DCDC1: variants seen among roughly 807,000 people sequenced by gnomAD.
The protein encoded by DCDC1 is doublecortin domain-containing protein 1.
Under a neutral mutation model 178.3 loss-of-function variants are expected in DCDC1, and 200 were observed. The ratio of observed to expected loss-of-function variants is 1.12; its 90% CI spans 1.00 to 1.26. DCDC1 has a LOEUF of 1.26. Among genes scored for constraint, DCDC1 ranks in the 50% most tolerant of loss-of-function variants. The probability of loss-of-function intolerance (pLI) is 0.00; values close to 1 mark genes in which losing one functional copy is unlikely to be tolerated. For missense variants in DCDC1, 1,983 were observed against 1,749.2 expected (o/e 1.13, Z -2.38); for synonymous variants, 690 against 604.8 (o/e 1.14, Z -2.07).
chr11:31,259,699 T>C (rs947365178), intron 8 of DCDC1, among the ~76,000 whole-genome samples: 11 of 152,178 alleles, frequency 7.2e-5, no homozygotes, highest in African/African-American at 2.4e-5. Flanking sequence ...TCCCTCAAGA[T>C]ACTGTAAACT....
intron 17 of DCDC1, among the ~76,000 whole-genome samples, chr11:31,090,103 A>C (rs1363124782): frequency 6.6e-6 from 1 of 152,180 alleles, no homozygotes; most frequent in Non-Finnish European, 1.5e-5. Context: ...GTACAGTTCC[A>C]TACCAAACTG....
intron 12 of DCDC1, among the ~76,000 whole-genome samples, chr11:31,109,772 G>A (rs1361999975): frequency 6.6e-6 from 1 of 152,088 alleles, no homozygotes; most frequent in African/African-American, 2.4e-5. Flanking sequence ...TGAGCATGTT[G>A]GTTCTGCCTG....
intron 20 of DCDC1, among the ~76,000 whole-genome samples, chr11:30,972,645 A>G (rs1162666477): frequency 6.6e-6 from 1 of 152,230 alleles, no homozygotes; most frequent in East Asian, 1.9e-4. Context: ...AAACAAGGCT[A>G]TACCAAAAAA....
Position 30,928,086 on chromosome 11 carries a change from G to C in DCDC1, c.2898-2678C>G, listed in dbSNP as rs573010813. On this transcript the variant is annotated intron_variant, in intron 22 of 38. Coordinates refer to ENST00000684477, the MANE Select transcript of DCDC1 (RefSeq NM_001387274.1). ...GAGAGGTGTTTGAGTCATGATAGAAGATCCCTCATAAATAGATTAATGCCC... is the reference window on the plus strand; with the variant it reads ...GAGAGGTGTTTGAGTCATGATAGAACATCCCTCATAAATAGATTAATGCCC... 1.1e-4 allele frequency among the ~76,000 whole-genome samples: 16 copies of C among 152,246 alleles called. No individual in the cohort carries two copies. In the South Asian group the frequency reaches 2.5e-3, roughly 24 times the overall value.
At chr11:31,213,132 T>G (rs1257363468) in intron 9 of DCDC1, among the ~76,000 whole-genome samples, 1 of 138,522 alleles carries the variant, frequency 7.2e-6, no homozygotes, top group African/African-American at 2.8e-5. Context: ...TCTCTCTCTC[T>G]CTCTCTCTCT....
rs538792303 is a variant in DCDC1, at chr11:30,894,016, A to T, written c.4902+232T>A. Among the ~76,000 whole-genome samples the T allele has an allele frequency of 2.0e-5, 3 of 152,324 alleles. No individual in the cohort carries two copies. The South Asian group carries it at 6.2e-4, about 32-fold the overall frequency. ...CTGGGCCTTTTTCTCTTCTTTGCTAAGGTCATAATTTCCAGTCTCCATTCA... is the reference window on the plus strand; with the variant it reads ...CTGGGCCTTTTTCTCTTCTTTGCTATGGTCATAATTTCCAGTCTCCATTCA... On this transcript the variant is annotated intron_variant, in intron 35 of 38. Transcript: ENST00000684477.
At chr11:31,223,331 T>C (rs1974507940) in intron 9 of DCDC1, among the ~76,000 whole-genome samples, 1 of 152,306 alleles carries the variant, frequency 6.6e-6, no homozygotes, top group African/African-American at 2.4e-5. Context: ...TATGTATGTA[T>C]GTATTTATGT....
intron 21 of DCDC1, among the ~76,000 whole-genome samples, chr11:30,937,288 G>A (rs1000066636): frequency 6.6e-5 from 10 of 152,054 alleles, no homozygotes; most frequent in African/African-American, 2.4e-4. Context: ...TTAGGGAGGA[G>A]CGAGCCACCC....
chr11:31,188,786 T>C (rs901901479), intron 9 of DCDC1, among the ~76,000 whole-genome samples: 1 of 152,206 alleles, frequency 6.6e-6, no homozygotes, highest in East Asian at 1.9e-4. Context: ...ATTTTCACCA[T>C]TCAAGGCAAG....
At chr11:31,086,618 T>C (rs1484491730) in intron 17 of DCDC1, among the ~76,000 whole-genome samples, 1 of 152,202 alleles carries the variant, frequency 6.6e-6, no homozygotes, top group Non-Finnish European at 1.5e-5. Flanking sequence ...GAGAAAGTTT[T>C]GCCTAATGGA....
intron 8 of DCDC1, among the ~76,000 whole-genome samples, chr11:31,244,070 A>G (rs1157335919): frequency 6.6e-6 from 1 of 151,862 alleles, no homozygotes. Context: ...TACAGAAAAC[A>G]TAAGAAAATG....
At chr11:31,339,226 T>C (rs1329117578) in intron 1 of DCDC1, among the ~76,000 whole-genome samples, 1 of 152,194 alleles carries the variant, frequency 6.6e-6, no homozygotes, top group Non-Finnish European at 1.5e-5. Context: ...CTGCCAAATT[T>C]CTAAGTTGAA....
At chr11:31,148,684 C>T (rs1301156640) in intron 9 of DCDC1, among the ~76,000 whole-genome samples, 4 of 148,036 alleles carry the variant, frequency 2.7e-5, no homozygotes, top group South Asian at 4.3e-4. Flanking sequence ...TTCTTTTATA[C>T]AGAGCAAGAC....
chr11:31,034,853 G>T (rs1953920538), intron 20 of DCDC1, among the ~76,000 whole-genome samples: 1 of 152,166 alleles, frequency 6.6e-6, no homozygotes, highest in Admixed American at 6.5e-5. Flanking sequence ...GCTACAAAAA[G>T]TCACCTTGTC....
At chr11:31,190,921 C>G (rs158141) in intron 9 of DCDC1, among the ~76,000 whole-genome samples, 90,410 of 151,738 alleles carry the variant, frequency 0.6, 27,365 homozygotes, top group East Asian at 0.93. Flanking sequence ...GTCATCCCTT[C>G]GTATTCATGG....
intron 36 of DCDC1, 36 bp from the exon 37 acceptor site, chr11:30,881,344 A>C (rs1174259702): frequency 1.2e-6 from 2 of 1,604,700 alleles, no homozygotes; most frequent in Non-Finnish European, 1.7e-6. Flanking sequence ...TTGAATACGG[A>C]ATGGCACAAT....
At chr11:31,253,312 A>G (rs1944183442) in intron 8 of DCDC1, among the ~76,000 whole-genome samples, 1 of 151,256 alleles carries the variant, frequency 6.6e-6, no homozygotes, top group African/African-American at 2.4e-5. Context: ...TTGAGGACCT[A>G]TGATATGCCC....
At chr11:30,888,150 G>GAAAGAAAGAAAGAAAGAAAGAA (rs1554959157) in intron 36 of DCDC1, among the ~76,000 whole-genome samples, 1 of 134,912 alleles carries the variant, frequency 7.4e-6, no homozygotes, top group African/African-American at 3.2e-5. Context: ...AAGAAAGAAA[G>GAAAGAAAGAAAGAAAGAAAGAA]AAAGAAAGAA....
At chr11:31,176,524 T>C (rs1294430232) in intron 9 of DCDC1, among the ~76,000 whole-genome samples, 2 of 152,118 alleles carry the variant, frequency 1.3e-5, no homozygotes, top group African/African-American at 4.8e-5. Context: ...GAGAGAGATA[T>C]GAACATCTAG....
Sources: gnomAD v4.1 joint callset for allele counts (sites outside exome capture counted in the v4.1 genomes callset) on GRCh38, gnomAD v4.1.1 for gene constraint, MANE v1.5 for transcripts, NCBI Gene and HGNC (gene_info 2026-07-23, HGNC 2026-07-21) for gene names.